Variants in SPAG6 observed in about 807,000 individuals in gnomAD.
SPAG6 encodes the protein sperm associated antigen 6.
SPAG6 carries 49 observed loss-of-function variants against 58.5 expected under a neutral mutation model. The observed-to-expected ratio is 0.84, with a 90% CI of 0.67 to 1.06. The LOEUF is 1.06. Among genes scored for constraint, SPAG6 ranks in the 50% least tolerant of loss-of-function variants. The probability of loss-of-function intolerance (pLI) is 0.00; values close to 1 mark genes in which losing one functional copy is unlikely to be tolerated. For synonymous variants in SPAG6, 233 were observed against 225.6 expected, an observed-to-expected ratio of 1.03 and a Z score of -0.29; for missense variants, 560 against 611.3, an observed-to-expected ratio of 0.92 and a Z score of 0.89.
At chr10:22,398,173 G>A (rs998620067) in intron 8 of SPAG6, among the ~76,000 whole-genome samples, 2 of 152,170 alleles carry the variant, frequency 1.3e-5, no homozygotes, top group Non-Finnish European at 2.9e-5. Flanking sequence ...TTCAACAAAG[G>A]TGATGGGACA....
At chr10:22,373,908 A>C (rs1285987277) in intron 4 of SPAG6, among the ~76,000 whole-genome samples, 2 of 152,158 alleles carry the variant, frequency 1.3e-5, no homozygotes, top group African/African-American at 4.8e-5. Context: ...ATATCCCTCT[A>C]TGTTTTTTGG....
intron 4 of SPAG6, among the ~76,000 whole-genome samples, chr10:22,379,849 C>T (rs868698553): frequency 1.3e-5 from 2 of 152,098 alleles, no homozygotes; most frequent in Non-Finnish European, 2.9e-5. Context: ...AGGCTGAGTA[C>T]AGTGGCATGA....
rs1484967621 is a variant in SPAG6 at position 22,389,283 on chromosome 10, A to T, written c.976A>T (p.Asn326Tyr). ...TGGTTATGTAGCAGCTCATTCTGAG[A>T]ACCTAGCAATGGCAGTCATCATTTC... ...MLGYVAAHSE[N>Y]LAMAVIISKG... Residue 326 changes from asparagine to tyrosine, a missense_variant, in exon 7 of 11, where the codon AAC (asparagine) becomes TAC (tyrosine). Physicochemically the swap from Asn to Tyr is moderately radical, Grantham distance 143. Coordinates refer to ENST00000376624, the MANE Select transcript of SPAG6 (RefSeq NM_012443.4). 1 of 1,612,408 alleles carries T rather than the reference A, an allele frequency of 6.2e-7. No homozygotes were observed. The highest frequency in any genetic ancestry group is 8.5e-7 in the Non-Finnish European group (1 of 1,179,634).
chr10:22,372,480 G>A (rs996858330), intron 4 of SPAG6, among the ~76,000 whole-genome samples: 2 of 152,170 alleles, frequency 1.3e-5, no homozygotes, highest in African/African-American at 4.8e-5. Context: ...TGATGGCTCA[G>A]CCACTGGGAG....
chr10:22,390,770 C>T (rs899245032), intron 7 of SPAG6, among the ~76,000 whole-genome samples: 16 of 152,238 alleles, frequency 1.1e-4, no homozygotes, highest in Admixed American at 6.5e-4. Flanking sequence ...GGCAGACATA[C>T]ATTTTTAGTT....
At chr10:22,398,135 G>A (rs1011073687) in intron 8 of SPAG6, among the ~76,000 whole-genome samples, 12 of 152,180 alleles carry the variant, frequency 7.9e-5, no homozygotes, top group Non-Finnish European at 1.5e-4. Context: ...AAGATGCCAA[G>A]GCAATTTAAT....
intron 3 of SPAG6, among the ~76,000 whole-genome samples, chr10:22,367,314 G>A (rs1175370489): frequency 6.6e-6 from 1 of 151,986 alleles, no homozygotes; most frequent in East Asian, 1.9e-4. Flanking sequence ...TAAATTAGTA[G>A]AAATTTGGTT....
chr10:22,381,187 C>T (rs1833946382), intron 4 of SPAG6, among the ~76,000 whole-genome samples: 1 of 152,082 alleles, frequency 6.6e-6, no homozygotes, highest in Non-Finnish European at 1.5e-5. Context: ...ATCACCTTTC[C>T]ATACCCAGAA....
intron 8 of SPAG6, among the ~76,000 whole-genome samples, chr10:22,397,043 A>C (rs1834309764): frequency 6.6e-6 from 1 of 152,198 alleles, no homozygotes; most frequent in Non-Finnish European, 1.5e-5. Context: ...TTGACCCCAT[A>C]AAATTTCTGT....
At chr10:22,383,997 T>C (rs189482192) in intron 4 of SPAG6, among the ~76,000 whole-genome samples, 20 of 152,332 alleles carry the variant, frequency 1.3e-4, no homozygotes, top group Admixed American at 2.6e-4. Context: ...AGTTGTAGCA[T>C]GTAAACTACA....
At position 22,391,821 on chromosome 10, in the gene SPAG6, C is replaced by T. The variant is rs1276824310; in HGVS notation, c.1098C>T (p.His366=). Residue 366 remains histidine, a synonymous_variant, in exon 8 of 11, where the codon CAC becomes CAT. Coordinates refer to ENST00000376624, the MANE Select transcript of SPAG6 (RefSeq NM_012443.4). ...AAWALGQIGR[H]TPEHARAVAV... is the part of the protein sequence containing the mutation. ...GGGCCTTAGGACAGATTGGAAGACA[C>T]ACTCCTGAACACGCACGGGCTGTTG... 6.2e-7 allele frequency: 1 copy of T among 1,613,424 alleles called. No homozygotes were observed. Among genetic ancestry groups the T allele is most frequent in the Non-Finnish European group, 8.5e-7 (1 of 1,179,680 alleles).
intron 4 of SPAG6, among the ~76,000 whole-genome samples, chr10:22,381,029 CAT>C (rs559853886): frequency 5.4e-4 from 82 of 152,208 alleles, no homozygotes; most frequent in African/African-American, 1.9e-3. Context: ...ATTCGAGTAT[CAT>C]ATGTTTAGAG....
Position 22,371,466 on chromosome 10 carries a change from C to G in SPAG6, c.472+2788C>G, listed in dbSNP as rs560813347. Among the ~76,000 whole-genome samples the G allele has an allele frequency of 6.0e-4, 91 of 152,236 alleles. 1 individual carries two copies. In the South Asian group the frequency reaches 0.019, roughly 31 times the overall value. ...ACGGGGTTTCACCATGTTGGTCAGG[C>G]TGGTCTCGAACTCCTCACCTTGTAA... On this transcript the variant is annotated intron_variant, in intron 4 of 10. Transcript: ENST00000376624.
At chr10:22,412,607 T>C in intron 10 of SPAG6, 1 of 694,760 alleles carries the variant, frequency 1.4e-6, no homozygotes, top group East Asian at 3.1e-5. Context: ...TATAACACTC[T>C]GTCTCCAGGC....
intron 3 of SPAG6, 59 bp downstream of exon 3, chr10:22,365,078 C>T: frequency 7.6e-7 from 1 of 1,316,182 alleles, no homozygotes; most frequent in East Asian, 2.5e-5. Flanking sequence ...AAAAATGTGA[C>T]AGTTTGGATA....
chr10:22,371,437 A>G (rs1394837464), intron 4 of SPAG6, among the ~76,000 whole-genome samples: 6 of 152,106 alleles, frequency 3.9e-5, no homozygotes, highest in Non-Finnish European at 8.8e-5. Context: ...TATTTTTAGT[A>G]GAGACGGGGT....
chr10:22,412,662 C>G (rs916479718), intron 10 of SPAG6: 3 of 504,214 alleles, frequency 5.9e-6, no homozygotes, highest in Non-Finnish European at 1.0e-5. Context: ...ATCTCCGCCT[C>G]CCGGGTTCAA....
intron 9 of SPAG6, among the ~76,000 whole-genome samples, chr10:22,406,904 T>C (rs1834572159): frequency 6.6e-6 from 1 of 151,714 alleles, no homozygotes; most frequent in African/African-American, 2.4e-5. Flanking sequence ...GCCTTCTTTG[T>C]CTCTTTTGAT....
At chr10:22,401,375 G>T (rs1406156673) in intron 9 of SPAG6, 98 bp downstream of exon 9, 7 of 691,970 alleles carry the variant, frequency 1.0e-5, no homozygotes, top group Non-Finnish European at 1.8e-5. Flanking sequence ...GTAACACGGG[G>T]TCATGGTTTT....
Sources: allele counts gnomAD v4.1 joint callset (sites outside exome capture counted in the v4.1 genomes callset), GRCh38; gene constraint gnomAD v4.1.1; transcripts MANE v1.5; gene names NCBI Gene and HGNC (gene_info 2026-07-23, HGNC 2026-07-21).